The following SHROOM2 variants were observed in gnomAD, a reference collection of about 807,000 sequenced individuals.
SHROOM2 encodes the protein shroom family member 2.
In SHROOM2, 33 loss-of-function variants were observed where a neutral mutation model predicts 75.9. The observed-to-expected ratio is 0.43, with a 90% CI of 0.33 to 0.58. The LOEUF is 0.58. Among genes scored for constraint, SHROOM2 ranks in the 20% least tolerant of loss-of-function variants. SHROOM2 has a pLI of 0.04. For missense variants in SHROOM2, 1,434 were observed against 1,461.2 expected (o/e 0.98, Z 0.30); for synonymous variants, 655 against 663.6 (o/e 0.99, Z 0.20).
At chrX:9,869,621 G>A (rs2084161020) in intron 1 of SHROOM2, among the ~76,000 whole-genome samples, 1 of 112,116 alleles carries the variant, frequency 8.9e-6, no homozygotes. Flanking sequence ...GTTCATCCAT[G>A]TTGTTGCCTG....
Position 9,895,387 on chromosome X carries a change from A to G in SHROOM2, c.1479A>G (p.Gly493=), listed in dbSNP as rs368967278. The G allele has an allele frequency of 8.3e-7, 1 of 1,200,990 alleles. No individual in the cohort carries two copies. Among genetic ancestry groups the G allele is most frequent in the African/African-American group, 1.8e-5 (1 of 57,048 alleles). ...GDLQAAQLWA[G]CWPSDTALGA... ...TGCAAGCAGCACAGCTCTGGGCGGG[A>G]TGCTGGCCTTCTGACACAGCCCTTG... Residue 493 remains glycine, a synonymous_variant, in exon 4 of 10, where the codon GGA becomes GGG. Transcript: ENST00000380913.
At position 9,896,143 on chromosome X, in the gene SHROOM2, G is replaced by A. The variant is rs761607882; in HGVS notation, c.2235G>A (p.Pro745=). 18 of 1,201,853 alleles carry A rather than the reference G, an allele frequency of 1.5e-5. No homozygotes were observed. The South Asian group carries it at 2.0e-4, about 13-fold the overall frequency. The change falls in exon 4 of 10, where the codon CCG becomes CCA. Residue 745 remains proline, a synonymous_variant. Coordinates refer to ENST00000380913, the MANE Select transcript of SHROOM2 (RefSeq NM_001649.4). Reference sequence around the variant, plus strand: ...CATCTACAAGTGGCGGGCCCCACCCGCCCCGCATCGGAGGCCGGAGACGGT... The same window carrying A: ...CATCTACAAGTGGCGGGCCCCACCCACCCCGCATCGGAGGCCGGAGACGGT... ...PPSSTSGGPH[P]PRIGGRRRFT...
At chrX:9,809,655 A>G (rs1286057987) in intron 1 of SHROOM2, among the ~76,000 whole-genome samples, 2 of 112,410 alleles carry the variant, frequency 1.8e-5, no homozygotes, top group Non-Finnish European at 3.8e-5. Context: ...ATAATACTTA[A>G]ATGCTGATAT....
At chrX:9,872,846 GT>G (rs1450647337) in intron 1 of SHROOM2, among the ~76,000 whole-genome samples, 1 of 112,204 alleles carries the variant, frequency 8.9e-6, no homozygotes, top group African/African-American at 3.2e-5. Context: ...GTTAAATGTA[GT>G]TATCATAGGG....
intron 1 of SHROOM2, among the ~76,000 whole-genome samples, chrX:9,828,896 G>A (rs1038203677): frequency 4.4e-5 from 5 of 112,684 alleles, no homozygotes; most frequent in Non-Finnish European, 9.4e-5. Context: ...GGACCATAGC[G>A]CTATCTTTGA....
chrX:9,888,154 A>T (rs765093465), intron 2 of SHROOM2, among the ~76,000 whole-genome samples: 2 of 112,908 alleles, frequency 1.8e-5, no homozygotes, highest in East Asian at 5.6e-4. Flanking sequence ...CCCTTCCCCC[A>T]TGACAGGGGC....
In SHROOM2 at chrX:9,867,753, G is replaced by C. The variant is rs747084473; in HGVS notation, c.166-5899G>C. On this transcript the variant is annotated intron_variant, in intron 1 of 9. Transcript: ENST00000380913. ...TAAACATGTAGAGGTACTTTATCTG[G>C]ATAAGGAAGCCAGGGGAAAAAATGA... Among the ~76,000 whole-genome samples, 4 of 111,805 alleles carry C rather than the reference G, an allele frequency of 3.6e-5. No individual in the cohort carries two copies. The South Asian group carries it at 1.5e-3, about 42-fold the overall frequency.
intron 2 of SHROOM2, among the ~76,000 whole-genome samples, chrX:9,877,858 A>AG (rs2084209586): frequency 1.8e-5 from 1 of 55,203 alleles, no homozygotes; most frequent in Non-Finnish European, 3.3e-5. Flanking sequence ...CAGGGTTGGG[A>AG]GGGTGGGGAA....
chrX:9,786,730 C>T lies in SHROOM2; in HGVS notation c.165+20C>T. On this transcript the variant is annotated intron_variant, in intron 1 of 9. Coordinates refer to ENST00000380913, the MANE Select transcript of SHROOM2 (RefSeq NM_001649.4). Reference sequence around the variant, plus strand: ...ACCAAGGTAAGGCGGCCGCGGGGCGCGGGCGCTGACAGCCGGGAGCTGGCC... The same window carrying T: ...ACCAAGGTAAGGCGGCCGCGGGGCGTGGGCGCTGACAGCCGGGAGCTGGCC... 2.3e-6 allele frequency: 2 copies of T among 875,811 alleles called. No homozygotes were observed. The highest frequency in any genetic ancestry group is 2.8e-6 in the Non-Finnish European group (2 of 715,511). 72.2% of individuals were successfully genotyped at this position (875,811 alleles called of 1,213,427 possible).
At chrX:9,800,739 C>A (rs770275430) in intron 1 of SHROOM2, among the ~76,000 whole-genome samples, 20 of 109,617 alleles carry the variant, frequency 1.8e-4, no homozygotes, top group Non-Finnish European at 3.2e-4. Context: ...TAACCTCAAT[C>A]TCCTGAGCGC....
intron 1 of SHROOM2, among the ~76,000 whole-genome samples, chrX:9,837,851 G>T (rs1250292835): frequency 9.0e-6 from 1 of 110,717 alleles, no homozygotes; most frequent in Non-Finnish European, 1.9e-5. Flanking sequence ...TCCTTCTTGG[G>T]CCAGGCGGGG....
chrX:9,851,757 A>T (rs762793803), intron 1 of SHROOM2, among the ~76,000 whole-genome samples: 6 of 109,201 alleles, frequency 5.5e-5, no homozygotes, highest in Non-Finnish European at 9.5e-5. Flanking sequence ...TGTGATATTG[A>T]CATAGAGACC....
At chrX:9,943,552 A>G (rs1400687720) in intron 8 of SHROOM2, among the ~76,000 whole-genome samples, 2 of 111,892 alleles carry the variant, frequency 1.8e-5, no homozygotes, top group African/African-American at 6.5e-5. Flanking sequence ...GGGAAAGGGC[A>G]TAGAGTGTTA....
At chrX:9,803,292 C>A in intron 1 of SHROOM2, among the ~76,000 whole-genome samples, 1 of 111,177 alleles carries the variant, frequency 9.0e-6, no homozygotes, top group Non-Finnish European at 1.9e-5. Flanking sequence ...GACACTCAAG[C>A]CTATCTTACT....
intron 5 of SHROOM2, among the ~76,000 whole-genome samples, chrX:9,921,544 G>T (rs760541392): frequency 5.3e-5 from 5 of 94,570 alleles, no homozygotes; most frequent in African/African-American, 2.2e-4. Flanking sequence ...CAGACGCTGC[G>T]CTGTGCAGTA....
chrX:9,938,372 C>T (rs142696725), intron 7 of SHROOM2, among the ~76,000 whole-genome samples: 1,109 of 110,755 alleles, frequency 0.01, 4 homozygotes, highest in Non-Finnish European at 0.015. Context: ...GACAACATGG[C>T]AAAACCCAGT....
intron 1 of SHROOM2, among the ~76,000 whole-genome samples, chrX:9,832,792 C>T (rs2090067465): frequency 9.0e-6 from 1 of 111,554 alleles, no homozygotes; most frequent in African/African-American, 3.3e-5. Context: ...CTCTGATGGC[C>T]CCTGCTTGCT....
At chrX:9,861,281 C>T (rs2084102076) in intron 1 of SHROOM2, among the ~76,000 whole-genome samples, 1 of 111,882 alleles carries the variant, frequency 8.9e-6, no homozygotes, top group Non-Finnish European at 1.9e-5. Context: ...GTCCTCCTGC[C>T]TCAGCCTCCC....
At chrX:9,887,956 G>A (rs1221691237) in intron 2 of SHROOM2, among the ~76,000 whole-genome samples, 1 of 113,390 alleles carries the variant, frequency 8.8e-6, no homozygotes, top group East Asian at 2.8e-4. Flanking sequence ...CACTCGCAAT[G>A]TGGCCAGAAT....
Sources: gnomAD v4.1 joint callset for allele counts (sites outside exome capture counted in the v4.1 genomes callset) on GRCh38, gnomAD v4.1.1 for gene constraint, MANE v1.5 for transcripts, NCBI Gene and HGNC (gene_info 2026-07-23, HGNC 2026-07-21) for gene names.